The following GALNT13 variants were observed in gnomAD, a reference collection of about 807,000 sequenced individuals.
GALNT13 encodes UDP-GalNAc:polypeptide N-acetylgalactosaminyltransferase 13.
A neutral mutation model predicts 64.2 loss-of-function variants in GALNT13; 28 were observed. The ratio of observed to expected loss-of-function variants is 0.44; its 90% CI spans 0.32 to 0.60. The LOEUF (loss-of-function observed/expected upper bound fraction) is 0.60. Among genes scored for constraint, GALNT13 ranks in the 20% least tolerant of loss-of-function variants. The probability of loss-of-function intolerance (pLI) is 0.05; values close to 1 mark genes in which losing one functional copy is unlikely to be tolerated. For missense variants in GALNT13, 577 were observed against 669.8 expected (o/e 0.86, Z 1.53); for synonymous variants, 214 against 224.6 (o/e 0.95, Z 0.42).
chr2:153,804,398 G>A, the GALNT13 span, among the ~76,000 whole-genome samples: 2 of 152,070 alleles, frequency 1.3e-5, no homozygotes, highest in Non-Finnish European at 2.9e-5. Context: ...ATTGGTCTCA[G>A]TCTCCTAGGC....
At chr2:153,973,420 T>C (rs999982578) in intron 3 of GALNT13, among the ~76,000 whole-genome samples, 8 of 152,170 alleles carry the variant, frequency 5.3e-5, no homozygotes, top group African/African-American at 1.4e-4. Flanking sequence ...TTTGATGTAC[T>C]GGTGGAATAT....
the GALNT13 span, among the ~76,000 whole-genome samples, chr2:153,251,818 G>A: frequency 6.6e-6 from 1 of 151,716 alleles, no homozygotes; most frequent in Non-Finnish European, 1.5e-5. Flanking sequence ...TTTTATGGCT[G>A]CATAGTATTC....
chr2:153,627,597 A>G, the GALNT13 span, among the ~76,000 whole-genome samples: 1 of 152,126 alleles, frequency 6.6e-6, no homozygotes. Context: ...AATTGGTGCA[A>G]AAATAATTGC....
chr2:153,602,108 A>G, the GALNT13 span, among the ~76,000 whole-genome samples: 201 of 152,076 alleles, frequency 1.3e-3, 2 homozygotes, highest in South Asian at 0.01. Context: ...TTAAAGATCA[A>G]CAAGCCTCTA....
intron 3 of GALNT13, among the ~76,000 whole-genome samples, chr2:154,017,424 G>T (rs1250158405): frequency 6.6e-6 from 1 of 151,992 alleles, no homozygotes; most frequent in Admixed American, 6.6e-5. Context: ...TAAATAATTG[G>T]TTAATATGAT....
chr2:153,225,852 A>C, the GALNT13 span, among the ~76,000 whole-genome samples: 4 of 152,208 alleles, frequency 2.6e-5, no homozygotes, highest in Non-Finnish European at 5.9e-5. Flanking sequence ...GCATGTTCAC[A>C]GATAGGAGGA....
intron 12 of GALNT13, among the ~76,000 whole-genome samples, chr2:154,440,936 A>T (rs1317850819): frequency 6.6e-6 from 1 of 152,080 alleles, no homozygotes; most frequent in African/African-American, 2.4e-5. Context: ...TATGCTTTTC[A>T]GTTTTACATT....
chr2:153,537,531 C>A, the GALNT13 span, among the ~76,000 whole-genome samples: 1 of 152,130 alleles, frequency 6.6e-6, no homozygotes, highest in Non-Finnish European at 1.5e-5. Context: ...TCAGAAAGTA[C>A]TACAAATTAA....
chr2:154,267,293 A>G (rs1691065493), intron 8 of GALNT13, among the ~76,000 whole-genome samples: 4 of 152,196 alleles, frequency 2.6e-5, no homozygotes, highest in Admixed American at 2.6e-4. Context: ...CACCAAAAGT[A>G]TGAGTCATAA....
the GALNT13 span, chr2:153,159,198 C>T: frequency 2.0e-5 from 3 of 152,298 alleles, no homozygotes; most frequent in Admixed American, 6.5e-5. Flanking sequence ...GTTGTATGCT[C>T]TTTCCAAAGA....
chr2:153,360,054 C>G, the GALNT13 span, among the ~76,000 whole-genome samples: 1 of 152,096 alleles, frequency 6.6e-6, no homozygotes, highest in Non-Finnish European at 1.5e-5. Context: ...CCAAAAGAAC[C>G]AAAACAGTGG....
the GALNT13 span, among the ~76,000 whole-genome samples, chr2:153,670,065 C>A: frequency 1.3e-5 from 2 of 152,226 alleles, no homozygotes; most frequent in East Asian, 3.9e-4. Context: ...GAGCCCACTG[C>A]AGTTCAGCAA....
chr2:153,917,963 C>T (rs1161425365), intron 2 of GALNT13, among the ~76,000 whole-genome samples: 1 of 150,980 alleles, frequency 6.6e-6, no homozygotes, highest in Non-Finnish European at 1.5e-5. Flanking sequence ...AGCAAAATTA[C>T]TTGGATTTCT....
At position 154,140,388 on chromosome 2, in the gene GALNT13, T is replaced by A; in HGVS notation, c.194T>A (p.Leu65Ter). The A allele has an allele frequency of 6.2e-7, 1 of 1,613,242 alleles. No individual in the cohort carries two copies. The change falls in exon 4 of 13, where the codon TTG becomes TAG. Residue 65 changes from leucine to a stop codon, truncating the protein, a stop_gained. Coordinates refer to ENST00000392825, the MANE Select transcript of GALNT13 (RefSeq NM_052917.4). LOFTEE classifies it high-confidence loss of function. Reference sequence around the variant, plus strand: ...CCAGGAGAAATGGGAAAAGCTGTGTTGATTCCTAAAGATGACCAGGAGAAA... The same window carrying A: ...CCAGGAGAAATGGGAAAAGCTGTGTAGATTCCTAAAGATGACCAGGAGAAA... ...EGPGEMGKAVLIPKDDQEKMK... is the reference protein window; with the variant it reads ...EGPGEMGKAV
At chr2:153,491,545 A>G in the GALNT13 span, among the ~76,000 whole-genome samples, 4 of 152,060 alleles carry the variant, frequency 2.6e-5, no homozygotes, top group Non-Finnish European at 4.4e-5. Context: ...AGGAAGAGCC[A>G]TGCCAGAAGA....
intron 4 of GALNT13, among the ~76,000 whole-genome samples, chr2:154,176,240 A>ATCAT (rs768768077): frequency 7.5e-6 from 1 of 132,740 alleles, no homozygotes; most frequent in Non-Finnish European, 1.6e-5. Flanking sequence ...GAACATATAT[A>ATCAT]TTATTTATTT....
the GALNT13 span, among the ~76,000 whole-genome samples, chr2:153,392,554 T>A: frequency 2.0e-5 from 3 of 152,088 alleles, no homozygotes; most frequent in Non-Finnish European, 4.4e-5. Context: ...GAAGGTAAGC[T>A]AGCAGGCTGG....
chr2:153,519,508 T>G, the GALNT13 span, among the ~76,000 whole-genome samples: 8 of 152,290 alleles, frequency 5.3e-5, no homozygotes, highest in Non-Finnish European at 1.2e-4. Context: ...TTTTTTCTTT[T>G]TAACTGTTTT....
chr2:153,423,934 G>A, the GALNT13 span, among the ~76,000 whole-genome samples: 2 of 151,174 alleles, frequency 1.3e-5, no homozygotes, highest in Non-Finnish European at 1.5e-5. Context: ...AGACTATAAA[G>A]TGCCTAAAAC....
Sources: allele counts gnomAD v4.1 joint callset (sites outside exome capture counted in the v4.1 genomes callset), GRCh38; gene constraint gnomAD v4.1.1; transcripts MANE v1.5; gene names NCBI Gene and HGNC (gene_info 2026-07-23, HGNC 2026-07-21).